ZFAT: variants seen among roughly 807,000 people sequenced by gnomAD.
The protein encoded by ZFAT is zinc finger and AT-hook domain containing.
Under a neutral mutation model 117.7 loss-of-function variants are expected in ZFAT, and 64 were observed. That is an observed-to-expected ratio of 0.54 (90% CI 0.44 to 0.67). The LOEUF is 0.67. Among genes scored for constraint, ZFAT ranks in the 30% least tolerant of loss-of-function variants. The probability of loss-of-function intolerance (pLI) is 0.00; values close to 1 mark genes in which losing one functional copy is unlikely to be tolerated. For missense variants in ZFAT, 1,433 were observed against 1,584.5 expected (o/e 0.90, Z 1.62); for synonymous variants, 679 against 615.0 (o/e 1.10, Z -1.54).
At chr8:134,826,272 T>TA in the ZFAT span, among the ~76,000 whole-genome samples, 4 of 152,218 alleles carry the variant, frequency 2.6e-5, no homozygotes, top group African/African-American at 9.6e-5. Flanking sequence ...TCATTTTACA[T>TA]AAACAGCTTA....
intron 1 of ZFAT, among the ~76,000 whole-genome samples, chr8:134,683,808 T>A (rs900722665): frequency 2.6e-5 from 4 of 152,148 alleles, no homozygotes; most frequent in East Asian, 3.9e-4. Flanking sequence ...GAAAGCCTGC[T>A]CTGTCTGATG....
chr8:134,696,413 TC>T (rs1224844665), intron 1 of ZFAT: 1 of 985,424 alleles, frequency 1.0e-6, no homozygotes, highest in African/African-American at 1.7e-5. Context: ...GAGTGGAAAC[TC>T]GCATCGGGAG....
At chr8:134,628,990 G>A (rs887131803) in intron 3 of ZFAT, among the ~76,000 whole-genome samples, 1 of 152,144 alleles carries the variant, frequency 6.6e-6, no homozygotes, top group Non-Finnish European at 1.5e-5. Context: ...CAAACCACTG[G>A]TGTACACAGA....
Position 134,514,444 on chromosome 8 carries a change from A to T in ZFAT, c.3235-1843T>A, listed in dbSNP as rs577418724. Among the ~76,000 whole-genome samples the T allele has an allele frequency of 1.5e-4, 23 of 152,326 alleles. 1 individual carries two copies. The South Asian group carries it at 4.6e-3, about 30-fold the overall frequency. On this transcript the variant is annotated intron_variant, in intron 13 of 15. Transcript: ENST00000377838. ...TGACTAATTGTTTTTGCATAGATGA[A>T]GATGTAAAAGTGATCATCATCAACA... is the stretch of plus-strand genomic sequence containing the variant.
At chr8:134,593,551 T>G (rs957110720) in intron 7 of ZFAT, among the ~76,000 whole-genome samples, 2 of 152,130 alleles carry the variant, frequency 1.3e-5, no homozygotes, top group Admixed American at 1.3e-4. Flanking sequence ...GTCTGTTTGC[T>G]CTGACGGAAA....
At chr8:134,732,253 G>A in the ZFAT span, among the ~76,000 whole-genome samples, 1 of 152,222 alleles carries the variant, frequency 6.6e-6, no homozygotes, top group Admixed American at 6.5e-5. Context: ...GGGCACAGCT[G>A]GGACATAGGC....
the ZFAT span, among the ~76,000 whole-genome samples, chr8:134,828,315 C>T: frequency 6.6e-6 from 1 of 152,248 alleles, no homozygotes; most frequent in South Asian, 2.1e-4. Context: ...GGTATGAAAC[C>T]GTGCCCAGTA....
chr8:134,676,455 A>C (rs926397960), intron 1 of ZFAT, among the ~76,000 whole-genome samples: 5 of 152,206 alleles, frequency 3.3e-5, no homozygotes, highest in Non-Finnish European at 5.9e-5. Context: ...ACAACTTCTT[A>C]AAGACCTACA....
intron 12 of ZFAT, among the ~76,000 whole-genome samples, chr8:134,530,165 T>C (rs1337365785): frequency 6.6e-6 from 1 of 152,252 alleles, no homozygotes; most frequent in Non-Finnish European, 1.5e-5. Context: ...TAAAGGAGAC[T>C]GTAAAATCCT....
intron 10 of ZFAT, among the ~76,000 whole-genome samples, chr8:134,568,754 A>G (rs1202608028): frequency 1.3e-5 from 2 of 152,246 alleles, no homozygotes; most frequent in Non-Finnish European, 2.9e-5. Context: ...GTTTTCAGCA[A>G]CCACTGCCAG....
chr8:134,516,628 AG>A (rs1184246569), intron 13 of ZFAT, among the ~76,000 whole-genome samples: 1 of 152,128 alleles, frequency 6.6e-6, no homozygotes, highest in African/African-American at 2.4e-5. Context: ...TGAGGCCAGG[AG>A]TTTGAGACCA....
chr8:134,571,125 C>T (rs1824863938), intron 10 of ZFAT, among the ~76,000 whole-genome samples: 1 of 152,198 alleles, frequency 6.6e-6, no homozygotes, highest in African/African-American at 2.4e-5. Context: ...ACAGCAAAGG[C>T]CCTGCCTCTG....
chr8:134,491,254 T>TC (rs1182507415), intron 15 of ZFAT, among the ~76,000 whole-genome samples: 9 of 152,366 alleles, frequency 5.9e-5, no homozygotes, highest in African/African-American at 2.2e-4. Context: ...CTTCATTTGC[T>TC]CTACGAAAGC....
chr8:134,774,461 G>A, the ZFAT span, among the ~76,000 whole-genome samples: 8 of 152,122 alleles, frequency 5.3e-5, no homozygotes, highest in Non-Finnish European at 1.0e-4. Context: ...CCACCACAAT[G>A]ATCAATCAAC....
chr8:134,536,755 TA>T (rs1245767322), intron 11 of ZFAT, among the ~76,000 whole-genome samples: 1 of 152,206 alleles, frequency 6.6e-6, no homozygotes, highest in African/African-American at 2.4e-5. Flanking sequence ...TCCCTAAATA[TA>T]TACAGGTTTT....
At position 134,478,594 on chromosome 8, in the gene ZFAT, G is replaced by A. The variant is rs777497668; in HGVS notation, c.3620C>T (p.Thr1207Met). 13 of 1,593,198 alleles carry A rather than the reference G, an allele frequency of 8.2e-6. No individual in the cohort carries two copies. Among genetic ancestry groups the A allele is most frequent in the African/African-American group, 2.7e-5 (2 of 74,416 alleles). ...CCCGCCCTGCGTGTAGACAGTCACC[G>A]TCTCAATGCCCTCCACGTCGTCGGA... is the stretch of plus-strand genomic sequence containing the variant. ...VSSDDVEGIE[T>M]VTVYTQGGEA... is the part of the protein sequence containing the mutation. Residue 1207 changes from threonine to methionine, a missense_variant, in exon 16 of 16, where the codon ACG (threonine) becomes ATG (methionine). Transcript: ENST00000377838. The surrounding 1 kb of genome is among the most constrained non-coding windows in gnomAD (Gnocchi z 5.2).
At chr8:134,516,605 T>A (rs72719719) in intron 13 of ZFAT, among the ~76,000 whole-genome samples, 17,057 of 151,934 alleles carry the variant, frequency 0.11, 1,229 homozygotes, top group Admixed American at 0.22. Context: ...GAAGCCAGGG[T>A]GGGAAGATTG....
chr8:134,649,296 C>T (rs150077841), intron 2 of ZFAT, among the ~76,000 whole-genome samples: 1 of 152,016 alleles, frequency 6.6e-6, no homozygotes, highest in East Asian at 1.9e-4. Context: ...CAACCCTGTA[C>T]TGGAGTTTCT....
intron 12 of ZFAT, among the ~76,000 whole-genome samples, chr8:134,526,558 A>T (rs941438105): frequency 2.6e-5 from 4 of 152,248 alleles, no homozygotes; most frequent in South Asian, 2.1e-4. Context: ...AGAGAAATTT[A>T]AAAAAACTGA....
Sources: gnomAD v4.1 joint callset for allele counts (sites outside exome capture counted in the v4.1 genomes callset) on GRCh38, gnomAD v4.1.1 for gene constraint, Gnocchi (gnomAD v3.1) non-coding constraint, MANE v1.5 for transcripts, NCBI Gene and HGNC (gene_info 2026-07-23, HGNC 2026-07-21) for gene names.